EPHB2: variants seen among roughly 807,000 people sequenced by gnomAD.
The protein encoded by EPHB2 is ephrin type-B receptor 2.
A neutral mutation model predicts 96.4 loss-of-function variants in EPHB2; 18 were observed. The ratio of observed to expected loss-of-function variants is 0.19; its 90% CI spans 0.13 to 0.28. The LOEUF is 0.28. Ranked by LOEUF, EPHB2 falls within the 10% of genes least tolerant of loss-of-function variation. EPHB2 has a pLI of 1.00. For missense variants in EPHB2, 989 were observed against 1,355.4 expected, an observed-to-expected ratio of 0.73 and a Z score of 4.25; for synonymous variants, 506 against 534.1, an observed-to-expected ratio of 0.95 and a Z score of 0.72.
intron 3 of EPHB2, among the ~76,000 whole-genome samples, chr1:22,859,377 C>T (rs1222194557): frequency 6.6e-6 from 1 of 151,966 alleles, no homozygotes; most frequent in Non-Finnish European, 1.5e-5. Context: ...GTACCAGCCC[C>T]CTGGGGCCCA....
At chr1:22,884,863 A>C (rs1270508295) in intron 6 of EPHB2, among the ~76,000 whole-genome samples, 1 of 152,012 alleles carries the variant, frequency 6.6e-6, no homozygotes, top group Non-Finnish European at 1.5e-5. Context: ...TCTGCATAGC[A>C]TTTATCACAA....
chr1:22,911,887 T>C (rs568588915), intron 14 of EPHB2, among the ~76,000 whole-genome samples: 12 of 152,250 alleles, frequency 7.9e-5, no homozygotes, highest in Non-Finnish European at 1.6e-4. Flanking sequence ...CCTCTGAGCT[T>C]TAAACCTCAT....
chr1:22,718,677 C>T (rs4610978), intron 1 of EPHB2, among the ~76,000 whole-genome samples: 20,471 of 152,048 alleles, frequency 0.13, 1,522 homozygotes, highest in East Asian at 0.3. Context: ...TGTGAGCCAC[C>T]GCGCCCAGCA....
chr1:22,831,633 C>G (rs571623215), intron 3 of EPHB2, among the ~76,000 whole-genome samples: 30 of 152,090 alleles, frequency 2.0e-4, no homozygotes, highest in South Asian at 1.2e-3. Flanking sequence ...AAATTCAGAG[C>G]CTTAACACCA....
At chr1:22,711,354 G>A (rs1203600990) in intron 1 of EPHB2, among the ~76,000 whole-genome samples, 1 of 148,640 alleles carries the variant, frequency 6.7e-6, no homozygotes, top group East Asian at 2.0e-4. Flanking sequence ...CCCCCGGCTC[G>A]GGCAGCCGCC....
intron 1 of EPHB2, among the ~76,000 whole-genome samples, chr1:22,775,407 C>T (rs1644435988): frequency 2.0e-5 from 3 of 152,260 alleles, no homozygotes; most frequent in South Asian, 2.1e-4. Flanking sequence ...CTTTGGAACA[C>T]TCACATACTG....
chr1:22,785,635 A>G (rs992990708), intron 3 of EPHB2, among the ~76,000 whole-genome samples: 5 of 152,254 alleles, frequency 3.3e-5, no homozygotes, highest in African/African-American at 1.2e-4. Flanking sequence ...TCTGCAGGGC[A>G]GACAGATGGA....
chr1:22,859,298 G>GA (rs1491480100), intron 3 of EPHB2, among the ~76,000 whole-genome samples: 1 of 104,978 alleles, frequency 9.5e-6, no homozygotes, highest in Non-Finnish European at 1.8e-5. Context: ...TGGGCCTGGT[G>GA]GGGGGGGGGG....
chr1:22,812,117 C>G (rs1645011680), intron 3 of EPHB2, among the ~76,000 whole-genome samples: 1 of 152,178 alleles, frequency 6.6e-6, no homozygotes, highest in South Asian at 2.1e-4. Flanking sequence ...TCTCTGAGCC[C>G]CCAGATATTT....
chr1:22,854,795 C>G (rs772422650), intron 3 of EPHB2, among the ~76,000 whole-genome samples: 1 of 152,112 alleles, frequency 6.6e-6, no homozygotes, highest in Non-Finnish European at 1.5e-5. Flanking sequence ...GCCCACAGTA[C>G]GGAGGAGGAC....
chr1:22,822,288 G>A (rs922002793), intron 3 of EPHB2, among the ~76,000 whole-genome samples: 3 of 151,730 alleles, frequency 2.0e-5, no homozygotes, highest in African/African-American at 7.3e-5. Flanking sequence ...TTTGAGACCA[G>A]CCTGGGCAAC....
chr1:22,782,551 C>T (rs1036973216), intron 2 of EPHB2, among the ~76,000 whole-genome samples: 4 of 152,008 alleles, frequency 2.6e-5, no homozygotes, highest in South Asian at 2.1e-4. Context: ...TTTCCATCTG[C>T]GAAGGCGGCT....
intron 1 of EPHB2, among the ~76,000 whole-genome samples, chr1:22,715,256 C>A (rs1412121407): frequency 6.6e-6 from 1 of 152,130 alleles, no homozygotes; most frequent in Admixed American, 6.5e-5. Context: ...GAGGGAGATA[C>A]CAAGGGGATG....
At chr1:22,867,235 G>T (rs1638508662) in intron 5 of EPHB2, among the ~76,000 whole-genome samples, 1 of 152,214 alleles carries the variant, frequency 6.6e-6, no homozygotes, top group Non-Finnish European at 1.5e-5. Flanking sequence ...TGTCATATGT[G>T]TTTGGTGAAC....
In EPHB2 at chr1:22,920,322, G is replaced by T. The variant is rs1640365453; in HGVS notation, c.*6752G>T. ...CATCTGGGGTGGAATTTCCCTCCCTGCAGCAAGGAAGCTGCAGGGCCAGGA... is the reference window on the plus strand; with the variant it reads ...CATCTGGGGTGGAATTTCCCTCCCTTCAGCAAGGAAGCTGCAGGGCCAGGA... On this transcript the variant is annotated 3_prime_UTR_variant, in exon 16 of 16. Transcript: ENST00000374630. The T allele has an allele frequency of 6.6e-6, 1 of 152,242 alleles. No individual in the cohort carries two copies. Among genetic ancestry groups the T allele is most frequent in the Non-Finnish European group, 1.5e-5 (1 of 68,074 alleles). The allele number at this position is 152,242 out of a possible 1,614,324, so 9.4% of individuals were successfully genotyped here.
chr1:22,834,588 A>C (rs1373709069), intron 3 of EPHB2, among the ~76,000 whole-genome samples: 1 of 152,190 alleles, frequency 6.6e-6, no homozygotes. Flanking sequence ...ACATGTAAAC[A>C]AATGAGCCTG....
chr1:22,776,339 T>C (rs575212338), intron 1 of EPHB2, among the ~76,000 whole-genome samples: 61 of 152,324 alleles, frequency 4.0e-4, no homozygotes, highest in African/African-American at 1.4e-3. Flanking sequence ...ATCCCTAAAT[T>C]TGGCATTTTC....
At chr1:22,911,530 A>G (rs309495) in intron 14 of EPHB2, among the ~76,000 whole-genome samples, 108,706 of 152,006 alleles carry the variant, frequency 0.72, 39,126 homozygotes, top group East Asian at 0.88. Context: ...AGGGGTGTTC[A>G]CTTGGGGACC....
Position 22,760,063 on chromosome 1 carries a change from G to A in EPHB2, c.62-21358G>A, listed in dbSNP as rs556366738. 1.7e-3 allele frequency among the ~76,000 whole-genome samples: 260 copies of A among 152,272 alleles called. 3 individuals are homozygous for A. Among genetic ancestry groups the A allele is most frequent in the African/African-American group, 6.0e-3 (248 of 41,558 alleles). ...TATAGAGGCCAAACCTCTGAGGCACGTCAGATGGATAACACAAGTCACCCA... is the reference window on the plus strand; with the variant it reads ...TATAGAGGCCAAACCTCTGAGGCACATCAGATGGATAACACAAGTCACCCA... On this transcript the variant is annotated intron_variant, in intron 1 of 15. Coordinates refer to ENST00000374630, the MANE Select transcript of EPHB2 (RefSeq NM_017449.5).
Sources: gnomAD v4.1 joint callset for allele counts (sites outside exome capture counted in the v4.1 genomes callset) on GRCh38, gnomAD v4.1.1 for gene constraint, MANE v1.5 for transcripts, NCBI Gene and HGNC (gene_info 2026-07-23, HGNC 2026-07-21) for gene names.